Variants in LIMS1 observed in about 807,000 individuals in gnomAD.
LIMS1 encodes the protein LIM zinc finger domain containing 1, also known as LIM and senescent cell antigen-like-containing domain protein 1.
In LIMS1, 18 loss-of-function variants were observed where a neutral mutation model predicts 44.1. That is an observed-to-expected ratio of 0.41 (90% CI 0.28 to 0.61). LIMS1 has a LOEUF of 0.61. Ranked by LOEUF, LIMS1 falls within the 20% of genes least tolerant of loss-of-function variation. The pLI, the probability that LIMS1 is intolerant of heterozygous loss-of-function variation, is 0.32. For synonymous variants in LIMS1, 93 were observed against 149.1 expected (o/e 0.62, Z 2.74); for missense variants, 201 against 422.0 (o/e 0.48, Z 4.59).
intron 1 of LIMS1, among the ~76,000 whole-genome samples, chr2:108,575,480 G>C (rs1685637236): frequency 6.6e-6 from 1 of 152,178 alleles, no homozygotes; most frequent in Non-Finnish European, 1.5e-5. Context: ...TAGCCATCCA[G>C]ATGTTTCTAG....
intron 1 of LIMS1, chr2:108,621,499 T>A (rs767256140): frequency 1.4e-6 from 2 of 1,429,146 alleles, no homozygotes; most frequent in African/African-American, 2.8e-5. Context: ...GGTCAAGACA[T>A]CTAATCTAGT....
At chr2:108,628,405 A>G (rs906689637) in intron 1 of LIMS1, among the ~76,000 whole-genome samples, 3 of 152,164 alleles carry the variant, frequency 2.0e-5, no homozygotes, top group Non-Finnish European at 4.4e-5. Flanking sequence ...TCTAGCTCTC[A>G]CTTAATGACT....
At chr2:108,681,610 C>T in intron 9 of LIMS1, 1 of 959,584 alleles carries the variant, frequency 1.0e-6, no homozygotes, top group East Asian at 1.2e-4. Context: ...TGCATATATT[C>T]TAAGTTATGT....
intron 1 of LIMS1, among the ~76,000 whole-genome samples, chr2:108,540,172 CAGGTGAT>C (rs1684269627): frequency 7.2e-6 from 1 of 139,422 alleles, no homozygotes; most frequent in Admixed American, 7.4e-5. Flanking sequence ...TTTCATTTAA[CAGGTGAT>C]AAAGTACAGA....
At chr2:108,649,784 C>T (rs1359108440) in intron 1 of LIMS1, among the ~76,000 whole-genome samples, 1 of 151,986 alleles carries the variant, frequency 6.6e-6, no homozygotes, top group Non-Finnish European at 1.5e-5. Flanking sequence ...CACATGGACA[C>T]AGGGAAGGGA....
intron 1 of LIMS1, among the ~76,000 whole-genome samples, chr2:108,607,646 AC>A (rs1166958830): frequency 6.6e-6 from 1 of 152,124 alleles, no homozygotes; most frequent in Non-Finnish European, 1.5e-5. Flanking sequence ...TGTGCCTGAA[AC>A]CCAGTCTTTC....
At chr2:108,617,480 T>C (rs770969002) in intron 1 of LIMS1, among the ~76,000 whole-genome samples, 2 of 152,190 alleles carry the variant, frequency 1.3e-5, no homozygotes, top group Non-Finnish European at 2.9e-5. Context: ...TTAGGTAACA[T>C]TGAGTGTTAC....
chr2:108,686,021 T>A (rs1693276784), exon 10 of LIMS1: 1 of 152,178 alleles, frequency 6.6e-6, no homozygotes, highest in African/African-American at 2.4e-5. Flanking sequence ...CTTTGCTCAG[T>A]CCTCTTTTAA....
intron 1 of LIMS1, among the ~76,000 whole-genome samples, chr2:108,535,558 T>C (rs1343282463): frequency 6.6e-6 from 1 of 152,234 alleles, no homozygotes. Flanking sequence ...GTTTGGAAGA[T>C]ATTGGCTCAC....
intron 1 of LIMS1, among the ~76,000 whole-genome samples, chr2:108,581,852 G>T (rs765924345): frequency 6.6e-6 from 1 of 151,796 alleles, no homozygotes; most frequent in Non-Finnish European, 1.5e-5. Flanking sequence ...CAAGAGAATT[G>T]CTTGAACCCA....
chr2:108,676,770 G>T, intron 7 of LIMS1, 72 bp downstream of exon 7: 1 of 918,328 alleles, frequency 1.1e-6, no homozygotes, highest in South Asian at 1.8e-5. Context: ...TAGCTACAAG[G>T]AAATCTCTTG....
In LIMS1 at chr2:108,651,132, C is replaced by T. The variant is rs1690454627; in HGVS notation, c.33-8473C>T. Among the ~76,000 whole-genome samples the T allele has an allele frequency of 3.3e-5, 5 of 152,290 alleles. No homozygotes were observed. In the South Asian group the frequency reaches 1.0e-3, roughly 32 times the overall value. On this transcript the variant is annotated intron_variant, in intron 1 of 9. Coordinates refer to ENST00000544547, the Ensembl canonical transcript of LIMS1. Reference sequence around the variant, plus strand: ...CCTGAAACCCCGGGGCCTGTTTACTCCCACCATTGCAGTGGAGGACATGTC... The same window carrying T: ...CCTGAAACCCCGGGGCCTGTTTACTTCCACCATTGCAGTGGAGGACATGTC...
At chr2:108,651,488 C>G (rs2438265) in intron 1 of LIMS1, among the ~76,000 whole-genome samples, 21 of 150,640 alleles carry the variant, frequency 1.4e-4, no homozygotes, top group South Asian at 4.2e-4. Context: ...AACAGAGCCA[C>G]AAACCTGTTT....
intron 1 of LIMS1, among the ~76,000 whole-genome samples, chr2:108,617,685 G>A (rs1179363211): frequency 1.3e-5 from 2 of 152,194 alleles, no homozygotes; most frequent in Non-Finnish European, 2.9e-5. Context: ...AGGTTTCTCG[G>A]AAGAGATGAT....
intron 1 of LIMS1, among the ~76,000 whole-genome samples, chr2:108,620,288 C>T (rs768400252): frequency 1.2e-4 from 19 of 152,096 alleles, no homozygotes; most frequent in South Asian, 6.2e-4. Context: ...GTGTTCTTGT[C>T]GAGAAGGTTC....
intron 1 of LIMS1, among the ~76,000 whole-genome samples, chr2:108,616,029 G>C (rs1004026371): frequency 4.6e-5 from 7 of 152,030 alleles, no homozygotes; most frequent in African/African-American, 1.7e-4. Context: ...AGGTTACTTA[G>C]AATTTCATTC....
intron 1 of LIMS1, among the ~76,000 whole-genome samples, chr2:108,619,274 T>C (rs1688100923): frequency 6.6e-6 from 1 of 152,192 alleles, no homozygotes; most frequent in Non-Finnish European, 1.5e-5. Context: ...ACAATGAATA[T>C]ACAATTGATT....
At chr2:108,551,953 G>GTGTGTATATA (rs56703030) in intron 1 of LIMS1, among the ~76,000 whole-genome samples, 5 of 85,290 alleles carry the variant, frequency 5.9e-5, no homozygotes, top group African/African-American at 1.7e-4. Context: ...GTGTGTGTGT[G>GTGTGTATATA]TATATATATA....
At chr2:108,638,463 G>T (rs1034497423) in intron 1 of LIMS1, among the ~76,000 whole-genome samples, 25 of 152,188 alleles carry the variant, frequency 1.6e-4, no homozygotes, top group African/African-American at 6.0e-4. Flanking sequence ...TTCAACAGAG[G>T]CTGGGCGTGG....
Sources: gnomAD v4.1 joint callset for allele counts (sites outside exome capture counted in the v4.1 genomes callset) on GRCh38, gnomAD v4.1.1 for gene constraint, MANE v1.5 for transcripts, NCBI Gene and HGNC (gene_info 2026-07-23, HGNC 2026-07-21) for gene names.